TTC33: variants seen among roughly 807,000 people sequenced by gnomAD.
TTC33 encodes tetratricopeptide repeat domain 33, also known as tetratricopeptide repeat protein 33.
A neutral mutation model predicts 29.4 loss-of-function variants in TTC33; 24 were observed. The observed-to-expected ratio is 0.82, with a 90% CI of 0.59 to 1.15. The LOEUF (loss-of-function observed/expected upper bound fraction) is 1.15. Ranked by LOEUF, TTC33 falls within the 50% of genes most tolerant of loss-of-function variation. The pLI, the probability that TTC33 is intolerant of heterozygous loss-of-function variation, is 0.00. For synonymous variants in TTC33, 107 were observed against 100.3 expected, an observed-to-expected ratio of 1.07 and a Z score of -0.40; for missense variants, 286 against 310.4, an observed-to-expected ratio of 0.92 and a Z score of 0.59.
intron 1 of TTC33, among the ~76,000 whole-genome samples, chr5:40,747,646 GA>G (rs1742821914): frequency 6.6e-6 from 1 of 152,014 alleles, no homozygotes; most frequent in Non-Finnish European, 1.5e-5. Flanking sequence ...CAGAGATGCA[GA>G]TAGCAAAAAA....
chr5:40,748,269 TC>T (rs1382573492), intron 1 of TTC33, among the ~76,000 whole-genome samples: 2 of 151,980 alleles, frequency 1.3e-5, no homozygotes, highest in African/African-American at 4.8e-5. Flanking sequence ...CGACCTCGGC[TC>T]ATTGCAACCT....
chr5:40,735,190 T>C (rs1742522951), intron 2 of TTC33, among the ~76,000 whole-genome samples: 1 of 152,234 alleles, frequency 6.6e-6, no homozygotes, highest in East Asian at 1.9e-4. Flanking sequence ...TAATTGTATG[T>C]GTGATGAAGA....
In TTC33 at chr5:40,746,990, A is replaced by G; in HGVS notation, c.29T>C (p.Ile10Thr). 3 of 1,613,712 alleles carry G rather than the reference A, an allele frequency of 1.9e-6. No individual in the cohort carries two copies. Among genetic ancestry groups the G allele is most frequent in the Non-Finnish European group, 2.5e-6 (3 of 1,179,928 alleles). The change falls in exon 2 of 5, where the codon ATT becomes ACT. Residue 10 changes from isoleucine (I) to threonine (T), a missense_variant. Transcript: ENST00000337702. ...AGTGACCTTTGAGACCTTCTCACCA[A>G]TTTTCCTCTTCCACCCAAAGGAAGC... MASFGWKRK[I>T]GEKVSKVTSQ... is the part of the protein sequence containing the mutation.
intron 4 of TTC33, among the ~76,000 whole-genome samples, chr5:40,721,176 T>G (rs139011593): frequency 6.6e-6 from 1 of 152,238 alleles, no homozygotes; most frequent in East Asian, 1.9e-4. Context: ...TTACCTGTAG[T>G]GGAGTACTGA....
rs35070396 is a variant in TTC33 at position 40,725,784 on chromosome 5, C to CTTT, written c.435+2558_435+2560dup. 1.7e-4 allele frequency among the ~76,000 whole-genome samples: 21 copies of CTTT among 126,038 alleles called. 1 individual carries two copies. The highest frequency in any genetic ancestry group is 4.1e-4 in the African/African-American group (14 of 33,800). 82.7% of individuals were successfully genotyped at this position (126,038 alleles called of 152,430 possible). A position where few individuals can be genotyped will look rare whatever the true frequency, so the allele number is the denominator to read the frequency against. ...TAACTCCCAGAACCATTCTCTTCAG[C>CTTT]TTTTTTTTTTTTTTTTTTTTGAGAC... is the stretch of plus-strand genomic sequence containing the variant. On this transcript the variant is annotated intron_variant, in intron 4 of 4. Transcript: ENST00000337702.
At chr5:40,737,075 C>T (rs560001884) in intron 2 of TTC33, among the ~76,000 whole-genome samples, 100 of 152,170 alleles carry the variant, frequency 6.6e-4, no homozygotes, top group African/African-American at 1.9e-3. Context: ...GCAGGAAGAT[C>T]GCCTGAGCCC....
intron 2 of TTC33, among the ~76,000 whole-genome samples, chr5:40,735,466 C>A (rs761520613): frequency 6.6e-6 from 1 of 152,100 alleles, no homozygotes; most frequent in Non-Finnish European, 1.5e-5. Flanking sequence ...AGAAAGAAAT[C>A]CAGGATAATT....
chr5:40,742,546 T>C (rs1163611039), intron 2 of TTC33, among the ~76,000 whole-genome samples: 1 of 152,166 alleles, frequency 6.6e-6, no homozygotes, highest in Non-Finnish European at 1.5e-5. Context: ...CTGGCACTAA[T>C]GCCAGACCAT....
chr5:40,742,649 T>C (rs1168899741), intron 2 of TTC33, among the ~76,000 whole-genome samples: 1 of 151,908 alleles, frequency 6.6e-6, no homozygotes, highest in East Asian at 1.9e-4. Flanking sequence ...AGAGTAAGGG[T>C]TATGAGAAAA....
Position 40,714,513 on chromosome 5 carries a change from AC to A in TTC33, c.*1631del. 1 of 152,242 alleles carries A rather than the reference AC, an allele frequency of 6.6e-6. No homozygotes were observed. Among genetic ancestry groups the A allele is most frequent in the East Asian group, 1.9e-4 (1 of 5,312 alleles). 9.4% of individuals were successfully genotyped at this position (152,242 alleles called of 1,614,324 possible). ...TATTTATTCACAAATTACACAAAAAACAAACATCCATTACTCAAAACAATAT... is the reference window on the plus strand; with the variant it reads ...TATTTATTCACAAATTACACAAAAAAAAACATCCATTACTCAAAACAATAT... On this transcript the variant is annotated 3_prime_UTR_variant, in exon 5 of 5. Transcript: ENST00000337702.
At chr5:40,747,401 G>C (rs1316726400) in intron 1 of TTC33, among the ~76,000 whole-genome samples, 1 of 152,116 alleles carries the variant, frequency 6.6e-6, no homozygotes, top group African/African-American at 2.4e-5. Flanking sequence ...CATAGGTAAA[G>C]AGGAAATAAC....
At chr5:40,739,456 G>T (rs1742646319) in intron 2 of TTC33, among the ~76,000 whole-genome samples, 1 of 152,166 alleles carries the variant, frequency 6.6e-6, no homozygotes, top group Non-Finnish European at 1.5e-5. Flanking sequence ...TGTTAAAGGT[G>T]GGGTCTGGTG....
At chr5:40,719,282 T>C (rs904029637) in intron 4 of TTC33, among the ~76,000 whole-genome samples, 1 of 152,254 alleles carries the variant, frequency 6.6e-6, no homozygotes, top group African/African-American at 2.4e-5. Flanking sequence ...TATATCTGTC[T>C]ATTCTGTATA....
Position 40,715,973 on chromosome 5 carries a change from A to G in TTC33, c.*172T>C. On this transcript the variant is annotated 3_prime_UTR_variant, in exon 5 of 5. Transcript: ENST00000337702. ...AATATAAATCATAACTTATCAAAGC[A>G]TATTCCAAACACTATACAATAATCC... The G allele has an allele frequency of 2.0e-6, 1 of 506,172 alleles. No homozygotes were observed. 31.4% of individuals were successfully genotyped at this position (506,172 alleles called of 1,614,324 possible).
Position 40,716,065 on chromosome 5 carries a change from T to C in TTC33, c.*80A>G, listed in dbSNP as rs1426390530. 2 of 1,192,492 alleles carry C rather than the reference T, an allele frequency of 1.7e-6. No homozygotes were observed. Among genetic ancestry groups the C allele is most frequent in the Non-Finnish European group, 1.2e-6 (1 of 862,252 alleles). The allele number at this position is 1,192,492 out of a possible 1,614,324, so 73.9% of individuals were successfully genotyped here. On this transcript the variant is annotated 3_prime_UTR_variant, in exon 5 of 5. Coordinates refer to ENST00000337702, the MANE Select transcript of TTC33 (RefSeq NM_012382.3). ...TTACAACCAGGCGTTCTCCTATCTA[T>C]CTCCAGAGTAAATGTCTCTATGTCA...
chr5:40,732,855 G>A (rs1340934419), intron 2 of TTC33, among the ~76,000 whole-genome samples: 2 of 151,996 alleles, frequency 1.3e-5, no homozygotes, highest in African/African-American at 2.4e-5. Flanking sequence ...TGATCTGCCC[G>A]CCTCGGCCTC....
At chr5:40,739,395 G>T (rs546934564) in intron 2 of TTC33, among the ~76,000 whole-genome samples, 1 of 152,240 alleles carries the variant, frequency 6.6e-6, no homozygotes, top group African/African-American at 2.4e-5. Flanking sequence ...GCATTGATAT[G>T]GTTTGGATCT....
chr5:40,755,165 C>G (rs1699506132), intron 1 of TTC33, among the ~76,000 whole-genome samples: 1 of 152,134 alleles, frequency 6.6e-6, no homozygotes, highest in South Asian at 2.1e-4. Flanking sequence ...CTATAGTAGG[C>G]GCTCAACAAC....
chr5:40,746,177 T>C (rs565222237), intron 2 of TTC33, among the ~76,000 whole-genome samples: 19 of 151,422 alleles, frequency 1.3e-4, no homozygotes, highest in African/African-American at 4.4e-4. Flanking sequence ...TTGGTCCTTC[T>C]TAAAAATCTA....
Sources: gnomAD v4.1 joint callset for allele counts (sites outside exome capture counted in the v4.1 genomes callset) on GRCh38, gnomAD v4.1.1 for gene constraint, MANE v1.5 for transcripts, NCBI Gene and HGNC (gene_info 2026-07-23, HGNC 2026-07-21) for gene names.